ARHGAP15: variants seen among roughly 807,000 people sequenced by gnomAD.
ARHGAP15 encodes the protein rho GTPase-activating protein 15.
A neutral mutation model predicts 63.7 loss-of-function variants in ARHGAP15; 51 were observed. That is an observed-to-expected ratio of 0.80 (90% CI 0.64 to 1.01). The LOEUF is 1.01. Ranked by LOEUF, ARHGAP15 falls within the 50% of genes least tolerant of loss-of-function variation. ARHGAP15 has a pLI of 0.00. For missense variants in ARHGAP15, 560 were observed against 564.6 expected (o/e 0.99, Z 0.08); for synonymous variants, 191 against 193.8 (o/e 0.99, Z 0.12).
At chr2:143,443,924 A>C (rs996304631) in intron 8 of ARHGAP15, among the ~76,000 whole-genome samples, 3 of 152,162 alleles carry the variant, frequency 2.0e-5, no homozygotes, top group African/African-American at 7.2e-5. Flanking sequence ...TCAATGAATC[A>C]TTTGATAAGA....
chr2:143,598,316 A>C (rs572531812), intron 11 of ARHGAP15, among the ~76,000 whole-genome samples: 1 of 152,292 alleles, frequency 6.6e-6, no homozygotes, highest in East Asian at 1.9e-4. Context: ...CTTGGTCAAA[A>C]ATAGCATCAA....
intron 1 of ARHGAP15, among the ~76,000 whole-genome samples, chr2:143,140,860 A>G (rs557293547): frequency 6.6e-6 from 1 of 152,194 alleles, no homozygotes; most frequent in Non-Finnish European, 1.5e-5. Context: ...TGCTGGGAAG[A>G]CAACCAGCTA....
At chr2:143,233,122 A>G (rs1191042854) in intron 5 of ARHGAP15, among the ~76,000 whole-genome samples, 1 of 152,166 alleles carries the variant, frequency 6.6e-6, no homozygotes, top group East Asian at 1.9e-4. Context: ...TAATATCACC[A>G]GACATTATTA....
At chr2:143,165,605 T>A (rs1690468523) in intron 2 of ARHGAP15, among the ~76,000 whole-genome samples, 1 of 152,056 alleles carries the variant, frequency 6.6e-6, no homozygotes, top group Non-Finnish European at 1.5e-5. Flanking sequence ...TATTCTGTAC[T>A]TAAAAAAATG....
intron 2 of ARHGAP15, among the ~76,000 whole-genome samples, chr2:143,192,228 T>C (rs1179767397): frequency 6.6e-6 from 1 of 152,212 alleles, no homozygotes; most frequent in Non-Finnish European, 1.5e-5. Context: ...AGCCAAAAGT[T>C]TTTAGGCCCT....
intron 2 of ARHGAP15, among the ~76,000 whole-genome samples, chr2:143,181,947 T>TTG (rs905878428): frequency 0.021 from 12 of 580 alleles, no homozygotes; most frequent in Admixed American, 0.2. Context: ...TAGCTTTTGA[T>TTG]TTTTTTTTTT....
intron 6 of ARHGAP15, among the ~76,000 whole-genome samples, chr2:143,275,112 G>A (rs1404700040): frequency 6.6e-6 from 1 of 151,980 alleles, no homozygotes; most frequent in African/African-American, 2.4e-5. Context: ...GAGCCAAGAT[G>A]GCACCACTGC....
chr2:143,387,066 G>A (rs1687317693), intron 6 of ARHGAP15, among the ~76,000 whole-genome samples: 1 of 151,998 alleles, frequency 6.6e-6, no homozygotes, highest in South Asian at 2.1e-4. Context: ...CTTAGTACCT[G>A]GATGATGAAA....
chr2:143,417,300 A>C (rs188171803), intron 6 of ARHGAP15, among the ~76,000 whole-genome samples: 17 of 152,286 alleles, frequency 1.1e-4, no homozygotes, highest in African/African-American at 2.6e-4. Flanking sequence ...TTATGGAGAT[A>C]TACCACACAT....
chr2:143,525,268 C>G (rs1357598079), intron 10 of ARHGAP15, among the ~76,000 whole-genome samples: 1 of 151,088 alleles, frequency 6.6e-6, no homozygotes, highest in Non-Finnish European at 1.5e-5. Flanking sequence ...CTATCTTGTT[C>G]CAGAGAGACT....
rs1054727510 is a variant in ARHGAP15 at position 143,727,379 on chromosome 2, C to T, written c.1244+23855C>T. 9.9e-5 allele frequency among the ~76,000 whole-genome samples: 15 copies of T among 152,108 alleles called. 1 individual carries two copies. The highest frequency in any genetic ancestry group is 2.6e-4 in the Admixed American group (4 of 15,298). On this transcript the variant is annotated intron_variant, in intron 13 of 13. Coordinates refer to ENST00000295095, the MANE Select transcript of ARHGAP15 (RefSeq NM_018460.4). ...TACCTGATGGCCGCTTTACCTTATT[C>T]GGCCATATATCACCTATATTTCAGT...
intron 4 of ARHGAP15, among the ~76,000 whole-genome samples, chr2:143,218,056 G>C (rs1377118431): frequency 2.6e-5 from 4 of 152,044 alleles, no homozygotes; most frequent in Non-Finnish European, 5.9e-5. Flanking sequence ...GAGAAGAACA[G>C]GTCCCTTCCC....
chr2:143,180,335 G>A (rs988340160), intron 2 of ARHGAP15, among the ~76,000 whole-genome samples: 1 of 152,192 alleles, frequency 6.6e-6, no homozygotes, highest in African/African-American at 2.4e-5. Flanking sequence ...TCTGTAAGAA[G>A]CACCTTCTCA....
chr2:143,322,671 T>G (rs1684077861), intron 6 of ARHGAP15, among the ~76,000 whole-genome samples: 1 of 152,218 alleles, frequency 6.6e-6, no homozygotes, highest in African/African-American at 2.4e-5. Flanking sequence ...AAAGTCAGCA[T>G]TACCGTGGAT....
chr2:143,348,194 T>C lies in ARHGAP15; in HGVS notation c.475-87407T>C, dbSNP rs528996971. Among the ~76,000 whole-genome samples the C allele has an allele frequency of 2.6e-5, 4 of 152,304 alleles. No homozygotes were observed. In the South Asian group the frequency reaches 8.3e-4, roughly 32 times the overall value. On this transcript the variant is annotated intron_variant, in intron 6 of 13. Coordinates refer to ENST00000295095, the MANE Select transcript of ARHGAP15 (RefSeq NM_018460.4). ...GTTGGTGATTTAGGCAATACCTTGATGTCATACTCACAATGCCTCAAAATG... is the reference window on the plus strand; with the variant it reads ...GTTGGTGATTTAGGCAATACCTTGACGTCATACTCACAATGCCTCAAAATG...
chr2:143,728,155 G>A (rs1685367813), intron 13 of ARHGAP15, among the ~76,000 whole-genome samples: 1 of 152,156 alleles, frequency 6.6e-6, no homozygotes, highest in Non-Finnish European at 1.5e-5. Flanking sequence ...ATATCAGCAG[G>A]TTTGTTTTAT....
intron 10 of ARHGAP15, among the ~76,000 whole-genome samples, chr2:143,546,383 C>A (rs1259677975): frequency 1.3e-5 from 2 of 151,926 alleles, no homozygotes; most frequent in African/African-American, 4.8e-5. Flanking sequence ...ATCCATTTTT[C>A]AGTTTTCTTC....
chr2:143,453,176 C>A (rs891606594), intron 8 of ARHGAP15, among the ~76,000 whole-genome samples: 1 of 151,928 alleles, frequency 6.6e-6, no homozygotes, highest in Non-Finnish European at 1.5e-5. Flanking sequence ...AAAGGTTAAT[C>A]AATTTACACA....
At chr2:143,149,323 G>T (rs1455878568) in intron 1 of ARHGAP15, among the ~76,000 whole-genome samples, 1 of 151,932 alleles carries the variant, frequency 6.6e-6, no homozygotes, top group Non-Finnish European at 1.5e-5. Flanking sequence ...GAAAACTCAG[G>T]CTAACACTCA....
Sources: gnomAD v4.1 joint callset for allele counts (sites outside exome capture counted in the v4.1 genomes callset) on GRCh38, gnomAD v4.1.1 for gene constraint, MANE v1.5 for transcripts, NCBI Gene and HGNC (gene_info 2026-07-23, HGNC 2026-07-21) for gene names.